Variants in PRKCSH observed in about 807,000 individuals in gnomAD.
PRKCSH encodes the protein PRKCSH beta subunit of glucosidase II.
In PRKCSH, 42 loss-of-function variants were observed where a neutral mutation model predicts 79.7. The observed-to-expected ratio is 0.53, with a 90% CI of 0.41 to 0.68. PRKCSH has a LOEUF of 0.68. Ranked by LOEUF, PRKCSH falls within the 30% of genes least tolerant of loss-of-function variation. The probability of loss-of-function intolerance (pLI) is 0.00; values close to 1 mark genes in which losing one functional copy is unlikely to be tolerated. For missense variants in PRKCSH, 686 were observed against 709.0 expected (o/e 0.97, Z 0.37); for synonymous variants, 325 against 288.2 (o/e 1.13, Z -1.29).
At chr19:11,436,883 G>A (rs2062379891) in intron 3 of PRKCSH, among the ~76,000 whole-genome samples, 1 of 151,876 alleles carries the variant, frequency 6.6e-6, no homozygotes, top group African/African-American at 2.4e-5. Context: ...GAAGAGACAG[G>A]GTCTTGCTTT....
intron 3 of PRKCSH, among the ~76,000 whole-genome samples, chr19:11,437,032 T>A (rs1171465656): frequency 2.6e-5 from 4 of 151,248 alleles, no homozygotes; most frequent in African/African-American, 9.7e-5. Context: ...TGAGACCGTG[T>A]CTTTGGTTTT....
rs1970396826 is a variant in PRKCSH at position 11,447,892 on chromosome 19, G to T, written c.1126+103G>T. 2.3e-6 allele frequency: 3 copies of T among 1,317,520 alleles called. No individual in the cohort carries two copies. Among genetic ancestry groups the T allele is most frequent in the Non-Finnish European group, 3.1e-6 (3 of 971,412 alleles). 81.6% of individuals were successfully genotyped at this position (1,317,520 alleles called of 1,614,324 possible). A position where few individuals can be genotyped will look rare whatever the true frequency, so the allele number is the denominator to read the frequency against. On this transcript the variant is annotated intron_variant, in intron 12 of 17. Transcript: ENST00000677123. The surrounding 1 kb of genome is among the most constrained non-coding windows in gnomAD (Gnocchi z 5.6). ...CTGAGCTTAGACCCTGCTCTGACTC[G>T]GCCAGCACAAGCCCCAGTATCTTGG...
intron 8 of PRKCSH, chr19:11,445,980 A>G (rs371542839): frequency 3.6e-5 from 20 of 554,878 alleles, no homozygotes; most frequent in South Asian, 1.0e-4. Flanking sequence ...GGCAGCTTCA[A>G]TGTGCCGGGT....
chr19:11,441,760 G>T (rs991386776), intron 6 of PRKCSH, among the ~76,000 whole-genome samples: 1 of 152,184 alleles, frequency 6.6e-6, no homozygotes, highest in African/African-American at 2.4e-5. Context: ...AATTCCATAG[G>T]GTGGGTGCTT....
intron 5 of PRKCSH, among the ~76,000 whole-genome samples, chr19:11,438,453 G>A (rs561554212): frequency 1.6e-3 from 249 of 152,228 alleles, no homozygotes; most frequent in Middle Eastern, 3.4e-3. Context: ...CCCACAGGCA[G>A]GTAAAGTATA....
In PRKCSH at chr19:11,437,952, G is replaced by C. The variant is rs781070873; in HGVS notation, c.273G>C (p.Arg91=). 1.2e-6 allele frequency: 2 copies of C among 1,614,124 alleles called. No homozygotes were observed. The highest frequency in any genetic ancestry group is 1.7e-6 in the Non-Finnish European group (2 of 1,180,010). Residue 91 remains arginine, a synonymous_variant, in exon 4 of 18, where the codon CGG becomes CGC. Coordinates refer to ENST00000677123, the MANE Select transcript of PRKCSH (RefSeq NM_001289104.2). ...GYKPLYIPSN[R]VNDGVCDCCD... ...AGCCCCTGTATATCCCCTCCAACCG[G>C]GTCAACGATGGTGTTTGTGGTAAGT...
Position 11,447,421 on chromosome 19 carries a change from G to A in PRKCSH, c.850-18G>A, listed in dbSNP as rs370153614. ...GGACCCTGAGTCCACAACACCGACCGCACTGCTCACCCGCCAGGCACTGCC... is the reference window on the plus strand; with the variant it reads ...GGACCCTGAGTCCACAACACCGACCACACTGCTCACCCGCCAGGCACTGCC... On this transcript the variant is annotated intron_variant, in intron 10 of 17. Coordinates refer to ENST00000677123, the MANE Select transcript of PRKCSH (RefSeq NM_001289104.2). This position sits in a 1 kb window ranked among gnomAD's most constrained non-coding sequence, Gnocchi z 5.6. 46 of 1,612,292 alleles carry A rather than the reference G, an allele frequency of 2.9e-5. No individual in the cohort carries two copies. Among genetic ancestry groups the A allele is most frequent in the South Asian group, 3.3e-5 (3 of 91,008 alleles).
At chr19:11,445,930 G>GGT in intron 8 of PRKCSH, 1 of 501,580 alleles carries the variant, frequency 2.0e-6, no homozygotes, top group South Asian at 2.2e-5. Flanking sequence ...AATGGGCAAG[G>GGT]GTGGGGGTGG....
Position 11,436,442 on chromosome 19 carries a change from A to G in PRKCSH, c.133A>G (p.Thr45Ala). Residue 45 changes from threonine (T) to alanine (A), a missense_variant, in exon 3 of 18, where the codon ACC becomes GCC. Transcript: ENST00000677123. Reference protein sequence around the residue: ...KPFTCLDGSATIPFDQVNDDY... With the variant: ...KPFTCLDGSAAIPFDQVNDDY... Reference sequence around the variant, plus strand: ...TTTCACCTGCCTGGACGGTTCGGCCACCATCCCATTTGATCAGGTCAACGA... The same window carrying G: ...TTTCACCTGCCTGGACGGTTCGGCCGCCATCCCATTTGATCAGGTCAACGA... 2 of 1,614,188 alleles carry G rather than the reference A, an allele frequency of 1.2e-6. No individual in the cohort carries two copies. Among genetic ancestry groups the G allele is most frequent in the East Asian group, 2.2e-5 (1 of 44,882 alleles).
At chr19:11,436,917 G>A (rs567814793) in intron 3 of PRKCSH, among the ~76,000 whole-genome samples, 1 of 152,210 alleles carries the variant, frequency 6.6e-6, no homozygotes, top group Non-Finnish European at 1.5e-5. Flanking sequence ...GAGTACAGTG[G>A]CATGATCGTA....
chr19:11,448,483 C>T lies in PRKCSH; in HGVS notation c.1197-57C>T. 1 of 1,533,868 alleles carries T rather than the reference C, an allele frequency of 6.5e-7. No homozygotes were observed. The highest frequency in any genetic ancestry group is 9.0e-7 in the Non-Finnish European group (1 of 1,107,182). ...GCCAGACCCTCCTGTGTCTGTCGTC[C>T]TGGGTCAGGCACTGGCGTCCCCAGC... On this transcript the variant is annotated intron_variant, in intron 13 of 17. Coordinates refer to ENST00000677123, the MANE Select transcript of PRKCSH (RefSeq NM_001289104.2). The surrounding 1 kb of genome is among the most constrained non-coding windows in gnomAD (Gnocchi z 4.4).
chr19:11,437,347 TTTG>T (rs1250650708), intron 3 of PRKCSH, among the ~76,000 whole-genome samples: 1 of 148,852 alleles, frequency 6.7e-6, no homozygotes, highest in Non-Finnish European at 1.5e-5. Context: ...CTTGTTTTGT[TTTG>T]TTTTTAATTT....
At position 11,435,639 on chromosome 19, in the gene PRKCSH, C is replaced by G. The variant is rs1357705689; in HGVS notation, c.-145C>G. On this transcript the variant is annotated 5_prime_UTR_variant, in exon 1 of 18. Coordinates refer to ENST00000677123, the MANE Select transcript of PRKCSH (RefSeq NM_001289104.2). Reference sequence around the variant, plus strand: ...GGGTCCAGAAATTTCCGCTTTCTTTCTGCAGCAGGAACCGCGGCTGCTGGA... The same window carrying G: ...GGGTCCAGAAATTTCCGCTTTCTTTGTGCAGCAGGAACCGCGGCTGCTGGA... 2 of 1,257,928 alleles carry G rather than the reference C, an allele frequency of 1.6e-6. No homozygotes were observed. The highest frequency in any genetic ancestry group is 1.5e-5 in the African/African-American group (1 of 65,310). The allele number at this position is 1,257,928 out of a possible 1,614,324, so 77.9% of individuals were successfully genotyped here.
rs147215296 is a variant in PRKCSH, at chr19:11,443,975, C to G, written c.599-1414C>G. Among the ~76,000 whole-genome samples the G allele has an allele frequency of 3.9e-3, 593 of 152,230 alleles. 5 individuals are homozygous for G. Among genetic ancestry groups the G allele is most frequent in the African/African-American group, 0.014 (573 of 41,546 alleles). Reference sequence around the variant, plus strand: ...AGTTTTAGTAGAGACGGGGTTTCACCGTGTTGGCCAGGCTGGTCTTGAACT... The same window carrying G: ...AGTTTTAGTAGAGACGGGGTTTCACGGTGTTGGCCAGGCTGGTCTTGAACT... On this transcript the variant is annotated intron_variant, in intron 7 of 17. Transcript: ENST00000677123.
chr19:11,448,250 G>T lies in PRKCSH; in HGVS notation c.1155G>T (p.Glu385Asp). The T allele has an allele frequency of 1.9e-6, 3 of 1,567,006 alleles. No individual in the cohort carries two copies. Among genetic ancestry groups the T allele is most frequent in the East Asian group, 4.7e-5 (2 of 42,380 alleles). Reference protein sequence around the residue: ...DAAQEARNKFEEAERSLKDME... With the variant: ...DAAQEARNKFDEAERSLKDME... ...CCCAGGAGGCCCGCAACAAGTTCGAGGAGGCCGAGCGGTCGCTGAAGGACA... is the reference window on the plus strand; with the variant it reads ...CCCAGGAGGCCCGCAACAAGTTCGATGAGGCCGAGCGGTCGCTGAAGGACA... The change falls in exon 13 of 18, where the codon GAG becomes GAT. Residue 385 changes from glutamate (E) to aspartate (D), a missense_variant. Physicochemically the swap from Glu to Asp is conservative, Grantham distance 45. Coordinates refer to ENST00000677123, the MANE Select transcript of PRKCSH (RefSeq NM_001289104.2). This position sits in a 1 kb window ranked among gnomAD's most constrained non-coding sequence, Gnocchi z 4.4.
chr19:11,443,982 G>C (rs535037657), intron 7 of PRKCSH, among the ~76,000 whole-genome samples: 11 of 152,142 alleles, frequency 7.2e-5, no homozygotes, highest in Non-Finnish European at 1.5e-4. Context: ...CACCGTGTTG[G>C]CCAGGCTGGT....
At position 11,437,898 on chromosome 19, in the gene PRKCSH, C is replaced by T. The variant is rs770906789; in HGVS notation, c.219C>T (p.Gly73=). The T allele has an allele frequency of 2.5e-6, 4 of 1,614,182 alleles. No homozygotes were observed. The South Asian group carries it at 4.4e-5, about 18-fold the overall frequency. The change falls in exon 4 of 18, where the codon GGC becomes GGT. Residue 73 remains glycine, a synonymous_variant. Transcript: ENST00000677123. ...CAGGCACGGCTGCCTGTCCTAATGGCAGCTTCCACTGCACCAACACTGGCT... is the reference window on the plus strand; with the variant it reads ...CAGGCACGGCTGCCTGTCCTAATGGTAGCTTCCACTGCACCAACACTGGCT... ...DEPGTAACPN[G]SFHCTNTGYK...
Position 11,448,693 on chromosome 19 carries a change from C to T in PRKCSH, c.1286+64C>T. On this transcript the variant is annotated intron_variant, in intron 14 of 17. Transcript: ENST00000677123. This position sits in a 1 kb window ranked among gnomAD's most constrained non-coding sequence, Gnocchi z 4.4. ...GGGAGGCGGGTGGCCCCGGAAGTGGCACCGGCAGTTTCCTGATGGTTGGGG... is the reference window on the plus strand; with the variant it reads ...GGGAGGCGGGTGGCCCCGGAAGTGGTACCGGCAGTTTCCTGATGGTTGGGG... 5 of 1,501,624 alleles carry T rather than the reference C, an allele frequency of 3.3e-6. No homozygotes were observed. The highest frequency in any genetic ancestry group is 4.6e-6 in the Non-Finnish European group (5 of 1,078,854). 93.0% of individuals were successfully genotyped at this position (1,501,624 alleles called of 1,614,324 possible).
chr19:11,442,496 G>A lies in PRKCSH; in HGVS notation c.579G>A (p.Gln193=), dbSNP rs1209970667. The A allele has an allele frequency of 6.2e-7, 1 of 1,611,250 alleles. No individual in the cohort carries two copies. The highest frequency in any genetic ancestry group is 8.5e-7 in the Non-Finnish European group (1 of 1,179,178). The change falls in exon 7 of 18, where the codon CAG becomes CAA. Residue 193 remains glutamine, a synonymous_variant. Coordinates refer to ENST00000677123, the MANE Select transcript of PRKCSH (RefSeq NM_001289104.2). The stretch of plus-strand genomic sequence containing the variant: ...AGCCAGAGAGAGAGGCCAAAGAGCA[G>A]CACCAGAAGCTGTGGGAAGGTATGG... The part of the protein sequence containing the change: ...AEKPEREAKE[Q]HQKLWEEQLA...
Sources: allele counts gnomAD v4.1 joint callset (sites outside exome capture counted in the v4.1 genomes callset), GRCh38; gene constraint gnomAD v4.1.1; non-coding constraint Gnocchi (gnomAD v3.1); transcripts MANE v1.5; gene names NCBI Gene and HGNC (gene_info 2026-07-23, HGNC 2026-07-21).